The following UBE2K variants were observed in gnomAD, a reference collection of about 807,000 sequenced individuals.
UBE2K encodes ubiquitin-conjugating enzyme E2 K.
Under a neutral mutation model 30.0 loss-of-function variants are expected in UBE2K, and 6 were observed. That is an observed-to-expected ratio of 0.20 (90% confidence interval 0.11 to 0.39). The LOEUF (loss-of-function observed/expected upper bound fraction) is 0.39, where lower values mean the gene tolerates loss of function less well. Among genes scored for constraint, UBE2K ranks in the 10% least tolerant of loss-of-function variants. The pLI, the probability that UBE2K is intolerant of heterozygous loss-of-function variation, is 1.00. For synonymous variants in UBE2K, 86 were observed against 83.7 expected (o/e 1.03, Z -0.15); for missense variants, 61 against 241.6 (o/e 0.25, Z 4.96).
chr4:39,703,806 A>T (rs974874658), intron 1 of UBE2K, among the ~76,000 whole-genome samples: 2 of 146,242 alleles, frequency 1.4e-5, no homozygotes, highest in African/African-American at 5.0e-5. Context: ...AGATGGCACC[A>T]CTGCACTGCA....
At chr4:39,718,728 C>T (rs746976808) in intron 1 of UBE2K, among the ~76,000 whole-genome samples, 21 of 152,244 alleles carry the variant, frequency 1.4e-4, no homozygotes, top group Non-Finnish European at 2.5e-4. Flanking sequence ...CCGCATCCTC[C>T]GCAGCTGCTG....
At chr4:39,735,378 T>G (rs1720320453) in intron 1 of UBE2K, among the ~76,000 whole-genome samples, 1 of 151,922 alleles carries the variant, frequency 6.6e-6, no homozygotes, top group African/African-American at 2.4e-5. Flanking sequence ...CCAACTAAAT[T>G]TTTGTGTTTT....
chr4:39,752,848 A>G (rs1024457189), intron 3 of UBE2K, among the ~76,000 whole-genome samples: 3 of 151,816 alleles, frequency 2.0e-5, no homozygotes, highest in African/African-American at 7.3e-5. Context: ...TCAGATTTTC[A>G]GATAAGAAAT....
At position 39,770,383 on chromosome 4, in the gene UBE2K, TGAA is replaced by T. The variant is rs1712707022; in HGVS notation, c.300-4448_300-4446del. On this transcript the variant is annotated intron_variant, in intron 4 of 6. Coordinates refer to ENST00000261427, the MANE Select transcript of UBE2K (RefSeq NM_005339.5). The stretch of plus-strand genomic sequence containing the variant: ...AACTCCTTGCCACAGCGAGGGCACA[TGAA>T]GATGAAGTGCTGCTGCCGCATGTGG... The T allele has an allele frequency of 5.6e-6, 9 of 1,613,284 alleles. No homozygotes were observed. In the East Asian group the frequency reaches 2.0e-4, roughly 36 times the overall value.
intron 1 of UBE2K, among the ~76,000 whole-genome samples, chr4:39,716,816 G>T (rs993906320): frequency 3.3e-5 from 5 of 152,102 alleles, no homozygotes; most frequent in African/African-American, 1.2e-4. Context: ...TGGGCAACAC[G>T]GTGAAACCCT....
chr4:39,737,635 C>A, intron 2 of UBE2K, 122 bp downstream of exon 2: 1 of 607,256 alleles, frequency 1.6e-6, no homozygotes, highest in Non-Finnish European at 2.8e-6. Flanking sequence ...TTTAGATAAA[C>A]AGCAATTTAA....
chr4:39,700,933 G>A (rs891708558), intron 1 of UBE2K, among the ~76,000 whole-genome samples: 1 of 147,352 alleles, frequency 6.8e-6, no homozygotes, highest in Non-Finnish European at 1.5e-5. Context: ...GGCCATTTGT[G>A]TCAAAAAGAA....
At chr4:39,765,467 C>T (rs879471233) in intron 4 of UBE2K, among the ~76,000 whole-genome samples, 1 of 151,952 alleles carries the variant, frequency 6.6e-6, no homozygotes, top group Admixed American at 6.6e-5. Flanking sequence ...GAGGTTGAAG[C>T]TACAGGGATC....
intron 4 of UBE2K, among the ~76,000 whole-genome samples, chr4:39,766,877 A>T (rs940223353): frequency 6.6e-6 from 1 of 151,820 alleles, no homozygotes; most frequent in Non-Finnish European, 1.5e-5. Flanking sequence ...TCAGCTTCCC[A>T]CGTAGCTGGG....
Position 39,724,984 on chromosome 4 carries a change from T to G in UBE2K, c.64-12436T>G, listed in dbSNP as rs1014701890. On this transcript the variant is annotated intron_variant, in intron 1 of 6. Coordinates refer to ENST00000261427, the MANE Select transcript of UBE2K (RefSeq NM_005339.5). ...TGGGGTTCCTTAGAGACTTCTTAAA[T>G]AAGATCTGAGACATGCAGTTATATA... 6.6e-5 allele frequency among the ~76,000 whole-genome samples: 10 copies of G among 152,230 alleles called. No homozygotes were observed. In the East Asian group the frequency reaches 7.7e-4, roughly 12 times the overall value.
At chr4:39,743,032 C>T (rs529949913) in intron 2 of UBE2K, among the ~76,000 whole-genome samples, 37 of 148,764 alleles carry the variant, frequency 2.5e-4, no homozygotes, top group African/African-American at 8.4e-4. Context: ...GGCAACAGAA[C>T]GACCCTGTCT....
intron 4 of UBE2K, among the ~76,000 whole-genome samples, chr4:39,768,828 G>T (rs1196620427): frequency 6.6e-6 from 1 of 151,988 alleles, no homozygotes; most frequent in African/African-American, 2.4e-5. Context: ...CCGTTCTAAC[G>T]AGTGCTAGGT....
chr4:39,737,060 T>C (rs971537132), intron 1 of UBE2K, among the ~76,000 whole-genome samples: 6 of 152,174 alleles, frequency 3.9e-5, no homozygotes, highest in Non-Finnish European at 7.3e-5. Flanking sequence ...GAATATAATA[T>C]CTTAGTGTTC....
chr4:39,721,013 C>T (rs2109326958), intron 1 of UBE2K, among the ~76,000 whole-genome samples: 1 of 152,248 alleles, frequency 6.6e-6, no homozygotes, highest in Non-Finnish European at 1.5e-5. Context: ...TTCTAAAATG[C>T]TGAGATTACA....
chr4:39,698,745 C>A (rs1219715348), intron 1 of UBE2K, among the ~76,000 whole-genome samples: 1 of 152,144 alleles, frequency 6.6e-6, no homozygotes, highest in African/African-American at 2.4e-5. Context: ...CTGAGAAAAC[C>A]CGGGAAGTGG....
chr4:39,776,883 A>G (rs1560383695), intron 5 of UBE2K, among the ~76,000 whole-genome samples: 1 of 152,180 alleles, frequency 6.6e-6, no homozygotes, highest in Non-Finnish European at 1.5e-5. Flanking sequence ...GGTTGGACTC[A>G]AGGGTTTCTT....
chr4:39,751,887 G>C (rs938598453), intron 3 of UBE2K, among the ~76,000 whole-genome samples: 7 of 151,938 alleles, frequency 4.6e-5, no homozygotes, highest in Non-Finnish European at 1.0e-4. Flanking sequence ...GAGTCACTTC[G>C]GCCCGGGAGA....
intron 1 of UBE2K, 100 bp from the exon 2 acceptor site, chr4:39,737,318 ATC>A (rs1422460171): frequency 1.7e-6 from 1 of 577,334 alleles, no homozygotes; most frequent in Admixed American, 4.0e-5. Context: ...AGAGCAGATA[ATC>A]AAGCTTATGA....
At chr4:39,744,642 C>T (rs1320775694) in intron 2 of UBE2K, among the ~76,000 whole-genome samples, 2 of 151,466 alleles carry the variant, frequency 1.3e-5, no homozygotes, top group African/African-American at 4.8e-5. Context: ...CACAGTGGCT[C>T]ACGCCTGTGA....
Sources: allele counts gnomAD v4.1 joint callset (sites outside exome capture counted in the v4.1 genomes callset), GRCh38; gene constraint gnomAD v4.1.1; transcripts MANE v1.5; gene names NCBI Gene and HGNC (gene_info 2026-07-23, HGNC 2026-07-21).